Variants in PLA2G5 observed in about 807,000 individuals in gnomAD.
The protein encoded by PLA2G5 is phospholipase A2 group V.
Under a neutral mutation model 15.9 loss-of-function variants are expected in PLA2G5, and 12 were observed. The ratio of observed to expected loss-of-function variants is 0.76; its 90% confidence interval spans 0.48 to 1.23. The LOEUF is 1.23. Among genes scored for constraint, PLA2G5 ranks in the 50% most tolerant of loss-of-function variants. The pLI is 0.00. For missense variants in PLA2G5, 169 were observed against 177.1 expected (o/e 0.95, Z 0.26); for synonymous variants, 71 against 71.4 (o/e 0.99, Z 0.03).
chr1:20,051,966 T>G (rs1188585735), intron 1 of PLA2G5, among the ~76,000 whole-genome samples: 1 of 152,178 alleles, frequency 6.6e-6, no homozygotes, highest in African/African-American at 2.4e-5. Flanking sequence ...TTATCTGAGA[T>G]TCCTTCTATG....
chr1:20,060,888 T>G (rs1441345091), intron 2 of PLA2G5, among the ~76,000 whole-genome samples: 1 of 152,034 alleles, frequency 6.6e-6, no homozygotes, highest in Non-Finnish European at 1.5e-5. Context: ...CAGCTAATTT[T>G]GTATTTTTGG....
At chr1:20,085,943 C>T (rs575144941) in intron 2 of PLA2G5, 140 bp from the exon 3 acceptor site, 15 of 755,902 alleles carry the variant, frequency 2.0e-5, no homozygotes, top group African/African-American at 1.9e-4. Context: ...CCTCCCTTCC[C>T]ACTAATGGAG....
chr1:20,066,028 C>A (rs543495826), upstream of PLA2G5: 1 of 152,272 alleles, frequency 6.6e-6, no homozygotes, highest in South Asian at 2.1e-4. Context: ...CCAAAGTGGC[C>A]GTGCCATTTT....
intron 1 of PLA2G5, among the ~76,000 whole-genome samples, chr1:20,083,490 A>G (rs1005287610): frequency 6.6e-6 from 1 of 151,872 alleles, no homozygotes; most frequent in African/African-American, 2.4e-5. Flanking sequence ...GCTGTGGACA[A>G]ACAAGGACTT....
chr1:20,070,887 G>A (rs1416315874), intron 1 of PLA2G5: 1 of 152,180 alleles, frequency 6.6e-6, no homozygotes, highest in African/African-American at 2.4e-5. Context: ...CTTAATTGTT[G>A]AGAGCATCCA....
At chr1:20,082,951 C>A (rs2100605642) in intron 1 of PLA2G5, among the ~76,000 whole-genome samples, 1 of 152,112 alleles carries the variant, frequency 6.6e-6, no homozygotes. Context: ...AAATCAACAA[C>A]TGTTATTCAT....
At chr1:20,079,265 A>G (rs754010385) in intron 1 of PLA2G5, among the ~76,000 whole-genome samples, 1 of 152,140 alleles carries the variant, frequency 6.6e-6, no homozygotes, top group Non-Finnish European at 1.5e-5. Flanking sequence ...GCTGTCATTG[A>G]TTTATTAGCA....
chr1:20,061,115 C>T (rs12405285), intron 2 of PLA2G5, among the ~76,000 whole-genome samples: 24,799 of 152,132 alleles, frequency 0.16, 2,217 homozygotes, highest in East Asian at 0.28. Context: ...TTGGCCTCAT[C>T]TCTCCATTGC....
chr1:20,079,160 TG>T (rs2015867208), intron 1 of PLA2G5, among the ~76,000 whole-genome samples: 1 of 146,646 alleles, frequency 6.8e-6, no homozygotes, highest in Admixed American at 6.8e-5. Flanking sequence ...AAAAAGTGTG[TG>T]TGGGGTGGTG....
At chr1:20,059,340 A>C (rs900278217) in intron 1 of PLA2G5, among the ~76,000 whole-genome samples, 1 of 151,856 alleles carries the variant, frequency 6.6e-6, no homozygotes, top group Non-Finnish European at 1.5e-5. Context: ...AAGTGGGAGG[A>C]TAGCTTGAGC....
intron 3 of PLA2G5, among the ~76,000 whole-genome samples, chr1:20,088,351 A>G (rs1448838486): frequency 6.6e-6 from 1 of 150,376 alleles, no homozygotes; most frequent in Non-Finnish European, 1.5e-5. Context: ...TGAGAGTGAA[A>G]CTCCGTTTCA....
At chr1:20,064,202 C>T (rs964809670) in intron 2 of PLA2G5, among the ~76,000 whole-genome samples, 4 of 152,226 alleles carry the variant, frequency 2.6e-5, no homozygotes, top group South Asian at 2.1e-4. Flanking sequence ...GGAAACAGAC[C>T]TTTCAAGATT....
chr1:20,083,919 T>C (rs957541590), intron 1 of PLA2G5, among the ~76,000 whole-genome samples: 3 of 151,800 alleles, frequency 2.0e-5, no homozygotes, highest in African/African-American at 7.3e-5. Context: ...ACTTATTCTT[T>C]AGGTAGACAC....
chr1:20,075,049 C>A (rs2015595299), intron 1 of PLA2G5, among the ~76,000 whole-genome samples: 1 of 152,192 alleles, frequency 6.6e-6, no homozygotes, highest in South Asian at 2.1e-4. Flanking sequence ...GCCACCACCG[C>A]CAAAGATGAC....
At chr1:20,076,251 G>T (rs954972465) in intron 1 of PLA2G5, among the ~76,000 whole-genome samples, 1 of 151,922 alleles carries the variant, frequency 6.6e-6, no homozygotes, top group East Asian at 1.9e-4. Flanking sequence ...TTAAAGCACC[G>T]TGTAGATCAA....
At chr1:20,043,363 G>A (rs1448934015) in intron 1 of PLA2G5, among the ~76,000 whole-genome samples, 1 of 152,200 alleles carries the variant, frequency 6.6e-6, no homozygotes, top group Non-Finnish European at 1.5e-5. Flanking sequence ...GCTTTAGGAG[G>A]CCATGCTGTA....
chr1:20,082,394 CCTTACCAGCCGAA>C (rs776853189), intron 1 of PLA2G5, among the ~76,000 whole-genome samples: 59 of 151,766 alleles, frequency 3.9e-4, no homozygotes, highest in Middle Eastern at 3.2e-3. Flanking sequence ...GGCGTTCTTC[CCTTACCAGCCGAA>C]CGTCCCTAGC....
At chr1:20,081,480 C>T (rs1373543384) in intron 1 of PLA2G5, among the ~76,000 whole-genome samples, 1 of 151,910 alleles carries the variant, frequency 6.6e-6, no homozygotes, top group Admixed American at 6.5e-5. Context: ...AGTGCCAGGT[C>T]GGCAGGTCAG....
At chr1:20,075,991 C>G (rs1471793704) in intron 1 of PLA2G5, among the ~76,000 whole-genome samples, 1 of 151,656 alleles carries the variant, frequency 6.6e-6, no homozygotes, top group African/African-American at 2.4e-5. Flanking sequence ...CCTGCCTCAG[C>G]CTCCCAAGTA....
Sources: allele counts gnomAD v4.1 joint callset (sites outside exome capture counted in the v4.1 genomes callset), GRCh38; gene constraint gnomAD v4.1.1; transcripts MANE v1.5; gene names NCBI Gene and HGNC (gene_info 2026-07-23, HGNC 2026-07-21).